The following TFAP2D variants were observed in gnomAD, a reference collection of about 807,000 sequenced individuals.
The protein encoded by TFAP2D is transcription factor AP-2 delta.
Under a neutral mutation model 43.6 loss-of-function variants are expected in TFAP2D, and 9 were observed. The ratio of observed to expected loss-of-function variants is 0.21; its 90% confidence interval spans 0.12 to 0.36. TFAP2D has a LOEUF of 0.36. TFAP2D is among the 10% of genes least tolerant of loss of function. The pLI is 1.00. For missense variants in TFAP2D, 513 were observed against 561.4 expected (o/e 0.91, Z 0.87); for synonymous variants, 256 against 224.9 (o/e 1.14, Z -1.24).
At chr6:50,718,951 G>A in intron 2 of TFAP2D, 139 bp from the exon 3 acceptor site, 1 of 770,468 alleles carries the variant, frequency 1.3e-6, no homozygotes, top group South Asian at 2.0e-5. Context: ...TTGCTGGCAA[G>A]CTTGCTTCAG....
chr6:50,731,054 G>A (rs144977483), intron 5 of TFAP2D, among the ~76,000 whole-genome samples: 214 of 152,098 alleles, frequency 1.4e-3, no homozygotes, highest in South Asian at 5.2e-3. Context: ...AAGAGCACTG[G>A]GATATCCTGC....
At position 50,715,568 on chromosome 6, in the gene TFAP2D, A is replaced by G. The variant is rs1281412127; in HGVS notation, c.492A>G (p.Pro164=). The change falls in exon 2 of 8, where the codon CCA becomes CCG. Residue 164 remains proline (P), a synonymous_variant. Transcript: ENST00000008391. ...YGMHPDQRLL[P]GPSLGLAAAG... Reference sequence around the variant, plus strand: ...TGCACCCAGATCAAAGACTCCTGCCAGGGCCCAGCCTGGGGCTGGCCGCCG... The same window carrying G: ...TGCACCCAGATCAAAGACTCCTGCCGGGGCCCAGCCTGGGGCTGGCCGCCG... The G allele has an allele frequency of 1.9e-6, 3 of 1,607,854 alleles. No homozygotes were observed. The highest frequency in any genetic ancestry group is 1.7e-6 in the Non-Finnish European group (2 of 1,177,744).
chr6:50,715,333 C>T lies in TFAP2D; in HGVS notation c.257C>T (p.Thr86Ile), dbSNP rs923542804. The T allele has an allele frequency of 1.2e-6, 2 of 1,613,994 alleles. No homozygotes were observed. Among genetic ancestry groups the T allele is most frequent in the Non-Finnish European group, 1.7e-6 (2 of 1,179,994 alleles). Reference sequence around the variant, plus strand: ...TTTCAGCACAGCCACCCGGCCGTCACCCCCGACGCCTACTCTCTGAACTCT... The same window carrying T: ...TTTCAGCACAGCCACCCGGCCGTCATCCCCGACGCCTACTCTCTGAACTCT... Reference protein sequence around the residue: ...YEFQHSHPAVTPDAYSLNSLH... With the variant: ...YEFQHSHPAVIPDAYSLNSLH... Residue 86 changes from threonine to isoleucine, a missense_variant, in exon 2 of 8, where the codon ACC (threonine) becomes ATC (isoleucine). By Grantham distance (89) the Thr-to-Ile change is moderately conservative. This residue lies in a region of TFAP2D where 311 missense variants were observed against 316.2 expected (regional missense o/e 0.98). Coordinates refer to ENST00000008391, the MANE Select transcript of TFAP2D (RefSeq NM_172238.4).
chr6:50,719,185 A>G, intron 3 of TFAP2D, 35 bp downstream of exon 3: 7 of 1,597,904 alleles, frequency 4.4e-6, no homozygotes, highest in Non-Finnish European at 6.0e-6. Flanking sequence ...AACCCTAGAC[A>G]TTCTTCTCCT....
At chr6:50,738,272 C>T (rs1768989946) in intron 5 of TFAP2D, among the ~76,000 whole-genome samples, 1 of 152,128 alleles carries the variant, frequency 6.6e-6, no homozygotes, top group Non-Finnish European at 1.5e-5. Context: ...GGAAAATTGG[C>T]TTATTAAATG....
At chr6:50,763,980 A>G (rs1769405288) in intron 7 of TFAP2D, among the ~76,000 whole-genome samples, 1 of 152,152 alleles carries the variant, frequency 6.6e-6, no homozygotes, top group Non-Finnish European at 1.5e-5. Flanking sequence ...TACTATATGC[A>G]AATTCAATCT....
At chr6:50,757,350 TATGTAATTATTCTATATATAGAATAC>T (rs1299946614) in intron 7 of TFAP2D, among the ~76,000 whole-genome samples, 1 of 138,832 alleles carries the variant, frequency 7.2e-6, no homozygotes, top group Non-Finnish European at 1.5e-5. Flanking sequence ...ATAGAGAATA[TATGTAATTATTCTATATATAGAATAC>T]ATGTAATTAT....
Position 50,751,259 on chromosome 6 carries a change from A to G in TFAP2D, c.1074A>G (p.Pro358=). 2 of 1,611,732 alleles carry G rather than the reference A, an allele frequency of 1.2e-6. No homozygotes were observed. The highest frequency in any genetic ancestry group is 1.7e-6 in the Non-Finnish European group (2 of 1,178,404). ...FQDLLSQDRS[P]LGSSRPTPIL... ...ACCTCTTGAGCCAAGATAGATCACCACTGGGATCCTCCAGACCCACTCCAA... is the reference window on the plus strand; with the variant it reads ...ACCTCTTGAGCCAAGATAGATCACCGCTGGGATCCTCCAGACCCACTCCAA... Residue 358 remains proline (P), a synonymous_variant, in exon 7 of 8, where the codon CCA becomes CCG. Transcript: ENST00000008391.
chr6:50,749,102 G>A (rs1045454650), intron 6 of TFAP2D, among the ~76,000 whole-genome samples: 2 of 151,724 alleles, frequency 1.3e-5, no homozygotes, highest in African/African-American at 4.8e-5. Flanking sequence ...GGAATCTACA[G>A]GATTGTCATC....
intron 6 of TFAP2D, among the ~76,000 whole-genome samples, chr6:50,747,413 T>C (rs1009014504): frequency 6.6e-6 from 1 of 152,142 alleles, no homozygotes; most frequent in African/African-American, 2.4e-5. Flanking sequence ...CACATATCCA[T>C]GTGAATTTTA....
At chr6:50,734,177 C>G (rs1768931921) in intron 5 of TFAP2D, among the ~76,000 whole-genome samples, 1 of 151,964 alleles carries the variant, frequency 6.6e-6, no homozygotes, top group Admixed American at 6.6e-5. Flanking sequence ...CTCTCAGACC[C>G]TATCTTGGAC....
chr6:50,715,433 G>A lies in TFAP2D; in HGVS notation c.357G>A (p.Ala119=). The A allele has an allele frequency of 1.9e-6, 3 of 1,614,080 alleles. No individual in the cohort carries two copies. Among genetic ancestry groups the A allele is most frequent in the South Asian group, 1.1e-5 (1 of 91,082 alleles). ...EPTDFINLHN[A]RALKSSCLDE... is the part of the protein sequence containing the mutation. ...CCGACTTTATTAACCTGCACAATGCGCGGGCGCTCAAGTCGTCCTGCCTGG... is the reference window on the plus strand; with the variant it reads ...CCGACTTTATTAACCTGCACAATGCACGGGCGCTCAAGTCGTCCTGCCTGG... The change falls in exon 2 of 8, where the codon GCG becomes GCA. Residue 119 remains alanine, a synonymous_variant. Transcript: ENST00000008391.
At chr6:50,730,850 T>C (rs1188906560) in intron 5 of TFAP2D, among the ~76,000 whole-genome samples, 1 of 152,108 alleles carries the variant, frequency 6.6e-6, no homozygotes, top group Non-Finnish European at 1.5e-5. Context: ...ATATCATTGA[T>C]TTAATTGTTC....
chr6:50,751,388 A>G, intron 7 of TFAP2D, 64 bp downstream of exon 7: 1 of 1,114,294 alleles, frequency 9.0e-7, no homozygotes, highest in Non-Finnish European at 1.4e-6. Context: ...TTCCTATCAC[A>G]GTTCTATTTA....
intron 7 of TFAP2D, among the ~76,000 whole-genome samples, chr6:50,766,166 A>G (rs555949334): frequency 7.4e-4 from 113 of 152,314 alleles, no homozygotes; most frequent in Non-Finnish European, 1.2e-3. Context: ...GTCAAAGATT[A>G]GCTTACTACA....
intron 7 of TFAP2D, among the ~76,000 whole-genome samples, chr6:50,769,071 A>G (rs939311902): frequency 7.3e-5 from 11 of 150,322 alleles, no homozygotes; most frequent in African/African-American, 1.7e-4. Context: ...TTTTTTTTGT[A>G]TTTTTAGTAG....
At chr6:50,724,302 C>T (rs1361358789) in intron 3 of TFAP2D, among the ~76,000 whole-genome samples, 3 of 152,204 alleles carry the variant, frequency 2.0e-5, no homozygotes, top group African/African-American at 7.2e-5. Flanking sequence ...AGAGCGATCA[C>T]TGGAGATGAA....
chr6:50,758,703 A>G (rs1233014995), intron 7 of TFAP2D, among the ~76,000 whole-genome samples: 2 of 151,852 alleles, frequency 1.3e-5, no homozygotes, highest in Admixed American at 6.6e-5. Context: ...TTTTGTTTTT[A>G]TTTTGTTAAA....
intron 3 of TFAP2D, among the ~76,000 whole-genome samples, chr6:50,722,815 G>T (rs561342652): frequency 3.9e-5 from 6 of 151,992 alleles, no homozygotes; most frequent in East Asian, 1.9e-4. Flanking sequence ...AACTAAAAAG[G>T]GGGGGGCGGG....
Sources: allele counts gnomAD v4.1 joint callset (sites outside exome capture counted in the v4.1 genomes callset), GRCh38; gene constraint gnomAD v4.1.1; regional missense constraint gnomAD v4.1.1; transcripts MANE v1.5; gene names NCBI Gene and HGNC (gene_info 2026-07-23, HGNC 2026-07-21).